REV3L: variants seen among roughly 807,000 people sequenced by gnomAD.
REV3L encodes the protein DNA polymerase zeta catalytic subunit.
A neutral mutation model predicts 299.4 loss-of-function variants in REV3L; 69 were observed. That is an observed-to-expected ratio of 0.23 (90% CI 0.19 to 0.28). REV3L has a LOEUF of 0.28. Among genes scored for constraint, REV3L ranks in the 10% least tolerant of loss-of-function variants. The pLI is 1.00. For synonymous variants in REV3L, 1,238 were observed against 1,271.4 expected (o/e 0.97, Z 0.56); for missense variants, 3,128 against 3,693.8 (o/e 0.85, Z 3.97).
intron 29 of REV3L, 30 bp from the exon 30 acceptor site, chr6:111,310,129 C>G: frequency 2.0e-6 from 3 of 1,489,396 alleles, no homozygotes; most frequent in Non-Finnish European, 2.7e-6. Context: ...AAAACCACAC[C>G]CAAATACTGT....
Position 111,299,961 on chromosome 6 carries a change from G to A in REV3L, c.*55C>T, listed in dbSNP as rs1771293862. 1 of 1,547,138 alleles carries A rather than the reference G, an allele frequency of 6.5e-7. No homozygotes were observed. ...AAGTTAAAAAGCACCATGCACAACAGTTTAGTGGTAAGCACTGAAAAAAAT... is the reference window on the plus strand; with the variant it reads ...AAGTTAAAAAGCACCATGCACAACAATTTAGTGGTAAGCACTGAAAAAAAT... On this transcript the variant is annotated 3_prime_UTR_variant, in exon 32 of 32. Transcript: ENST00000368802.
rs1274373596 is a variant in REV3L at position 111,342,021 on chromosome 6, CTAGATAAAACTTAAA to C, written c.7538+1889_7538+1903del. The stretch of plus-strand genomic sequence containing the variant: ...CCTTTGCCCTAGAGAAAGGCCTACT[CTAGATAAAACTTAAA>C]ACCAAATACTGACAATATGTACAGA... On this transcript the variant is annotated intron_variant, in intron 21 of 31. Coordinates refer to ENST00000368802, the MANE Select transcript of REV3L (RefSeq NM_001372078.1). Among the ~76,000 whole-genome samples, 52 of 152,246 alleles carry C rather than the reference CTAGATAAAACTTAAA, an allele frequency of 3.4e-4. 1 individual carries two copies. The highest frequency in any genetic ancestry group is 1.2e-3 in the African/African-American group (51 of 41,542).
At chr6:111,338,312 C>CTT (rs144497761) in intron 21 of REV3L, among the ~76,000 whole-genome samples, 18 of 47,938 alleles carry the variant, frequency 3.8e-4, no homozygotes, top group East Asian at 2.4e-3. Context: ...GTCTAAAGTC[C>CTT]TTTTTTTTTT....
intron 25 of REV3L, among the ~76,000 whole-genome samples, chr6:111,324,084 C>T (rs1774483680): frequency 6.6e-6 from 1 of 152,170 alleles, no homozygotes; most frequent in Non-Finnish European, 1.5e-5. Flanking sequence ...ACTGCAACCT[C>T]TGCCTCCTGG....
chr6:111,388,971 A>G, intron 7 of REV3L, 135 bp downstream of exon 7: 1 of 630,140 alleles, frequency 1.6e-6, no homozygotes, highest in Non-Finnish European at 2.7e-6. Context: ...CAGCAATGAC[A>G]ACAAGAAAAA....
At chr6:111,336,869 C>G (rs1775938654) in intron 21 of REV3L, among the ~76,000 whole-genome samples, 1 of 152,144 alleles carries the variant, frequency 6.6e-6, no homozygotes, top group African/African-American at 2.4e-5. Flanking sequence ...GATGCTATAA[C>G]ATGGACAATT....
intron 21 of REV3L, among the ~76,000 whole-genome samples, chr6:111,343,303 G>C (rs913681751): frequency 6.6e-6 from 1 of 152,082 alleles, no homozygotes; most frequent in Admixed American, 6.5e-5. Flanking sequence ...TCAAAGCCAA[G>C]ATAGATTATG....
At chr6:111,443,733 G>C (rs1788536743) in intron 1 of REV3L, among the ~76,000 whole-genome samples, 1 of 152,112 alleles carries the variant, frequency 6.6e-6, no homozygotes, top group Non-Finnish European at 1.5e-5. Flanking sequence ...CTTAATTTAT[G>C]GTTTTCAGTA....
In REV3L at chr6:111,299,088, CAA is replaced by C. The variant is rs764882820; in HGVS notation, c.*926_*927del. 2 of 152,284 alleles carry C rather than the reference CAA, an allele frequency of 1.3e-5. No homozygotes were observed. The highest frequency in any genetic ancestry group is 2.4e-5 in the African/African-American group (1 of 41,378). 9.4% of individuals were successfully genotyped at this position (152,284 alleles called of 1,614,324 possible). ...TGGTTTCCATTATTAACTTTTAAAA[CAA>C]AATGATTTCCAGTTTAAAAAACAAT... is the stretch of plus-strand genomic sequence containing the variant. On this transcript the variant is annotated 3_prime_UTR_variant, in exon 32 of 32. Coordinates refer to ENST00000368802, the MANE Select transcript of REV3L (RefSeq NM_001372078.1).
chr6:111,375,842 G>C lies in REV3L; in HGVS notation c.2513C>G (p.Ala838Gly). 6.2e-7 allele frequency: 1 copy of C among 1,613,448 alleles called. No individual in the cohort carries two copies. ...TTTGGTAGAAGTCTCCTGATGACCT[G>C]CAAGTTTCCTTTTATTCAATTTTAA... ...SRLKLNKRKL[A>G]GHQETSTKSS... is the part of the protein sequence containing the mutation. Residue 838 changes from alanine to glycine, a missense_variant, in exon 13 of 32, where the codon GCA (alanine) becomes GGA (glycine). Coordinates refer to ENST00000368802, the MANE Select transcript of REV3L (RefSeq NM_001372078.1).
chr6:111,322,492 C>T lies in REV3L; in HGVS notation c.8351+77G>A. The T allele has an allele frequency of 3.8e-6, 4 of 1,058,882 alleles. No homozygotes were observed. In the South Asian group the frequency reaches 5.2e-5, roughly 14 times the overall value. 65.6% of individuals were successfully genotyped at this position (1,058,882 alleles called of 1,614,324 possible). A position where few individuals can be genotyped will look rare whatever the true frequency, so the allele number is the denominator to read the frequency against. Reference sequence around the variant, plus strand: ...CAGAACTCTGTTTTTAGAAAAGATTCCCTTAAGCCATTTTAAACACTGAAA... The same window carrying T: ...CAGAACTCTGTTTTTAGAAAAGATTTCCTTAAGCCATTTTAAACACTGAAA... On this transcript the variant is annotated intron_variant, in intron 26 of 31. Transcript: ENST00000368802.
At position 111,392,895 on chromosome 6, in the gene REV3L, C is replaced by T. The variant is rs1782080642; in HGVS notation, c.643G>A (p.Glu215Lys). Residue 215 changes from glutamate to lysine, a missense_variant, in exon 5 of 32, where the codon GAA becomes AAA. Physicochemically the swap from Glu to Lys is moderately conservative, Grantham distance 56. Transcript: ENST00000368802. ...ACTAACCTTGGTATTTCATCTTGTT[C>T]CCACCGAAATAAAGTATCAGCAAGA... ...NSLADTLFRW[E>K]QDEIPSSLIL... 1.9e-6 allele frequency: 3 copies of T among 1,610,280 alleles called. No homozygotes were observed. Among genetic ancestry groups the T allele is most frequent in the African/African-American group, 1.3e-5 (1 of 74,746 alleles).
At position 111,391,503 on chromosome 6, in the gene REV3L, C is replaced by T. The variant is rs79438460; in HGVS notation, c.663-1323G>A. ...GAATTTTCACAACTCAAATAATATA[C>T]GTATATATGTACTCACAAGTATATA... On this transcript the variant is annotated intron_variant, in intron 5 of 31. Transcript: ENST00000368802. Among the ~76,000 whole-genome samples the T allele has an allele frequency of 6.5e-3, 988 of 152,240 alleles. 12 individuals are homozygous for T. The highest frequency in any genetic ancestry group is 0.023 in the African/African-American group (954 of 41,522).
chr6:111,391,303 T>A (rs1200587407), intron 5 of REV3L, among the ~76,000 whole-genome samples: 1 of 152,108 alleles, frequency 6.6e-6, no homozygotes. Context: ...TGACCTCAAG[T>A]GATCTGCCTA....
At chr6:111,377,236 G>A (rs1281949679) in intron 12 of REV3L, among the ~76,000 whole-genome samples, 1 of 152,146 alleles carries the variant, frequency 6.6e-6, no homozygotes, top group Non-Finnish European at 1.5e-5. Context: ...CCTGAAGGAC[G>A]AAACATCACT....
rs764406777 is a variant in REV3L at position 111,367,072 on chromosome 6, C to T, written c.6673+43G>A. ...TCTAATGTTATCTTCATTTCTATTT[C>T]TGAAGAACAATTATGGAGACTTCCT... On this transcript the variant is annotated intron_variant, in intron 14 of 31. Transcript: ENST00000368802. The T allele has an allele frequency of 2.8e-6, 4 of 1,411,946 alleles. No homozygotes were observed. In the South Asian group the frequency reaches 5.9e-5, roughly 21 times the overall value. 87.5% of individuals were successfully genotyped at this position (1,411,946 alleles called of 1,614,324 possible). A position where few individuals can be genotyped will look rare whatever the true frequency, so the allele number is the denominator to read the frequency against.
intron 1 of REV3L, among the ~76,000 whole-genome samples, chr6:111,477,070 AT>A (rs1309441265): frequency 6.6e-6 from 1 of 152,150 alleles, no homozygotes; most frequent in African/African-American, 2.4e-5. Context: ...TTGTAAACTA[AT>A]TTTTTCACAT....
At chr6:111,352,012 C>G (rs1777618050) in intron 18 of REV3L, among the ~76,000 whole-genome samples, 1 of 143,886 alleles carries the variant, frequency 6.9e-6, no homozygotes, top group African/African-American at 2.5e-5. Context: ...TTCTTTCTTT[C>G]TTTTTTTTTT....
rs542985057 is a variant in REV3L, at chr6:111,310,264, C to T, written c.8796-165G>A. On this transcript the variant is annotated intron_variant, in intron 29 of 31. Transcript: ENST00000368802. Reference sequence around the variant, plus strand: ...TTGAGAATAATATATATACATTTTGCTTAGTTGACACCAAGTGTAGATATC... The same window carrying T: ...TTGAGAATAATATATATACATTTTGTTTAGTTGACACCAAGTGTAGATATC... The T allele has an allele frequency of 3.5e-5, 28 of 802,348 alleles. No homozygotes were observed. In the Admixed American group the frequency reaches 1.1e-3, roughly 31 times the overall value. 49.7% of individuals were successfully genotyped at this position (802,348 alleles called of 1,614,324 possible). A position where few individuals can be genotyped will look rare whatever the true frequency, so the allele number is the denominator to read the frequency against.
Sources: allele counts gnomAD v4.1 joint callset (sites outside exome capture counted in the v4.1 genomes callset), GRCh38; gene constraint gnomAD v4.1.1; transcripts MANE v1.5; gene names NCBI Gene and HGNC (gene_info 2026-07-23, HGNC 2026-07-21).